Variants in GYPE observed in about 807,000 individuals in gnomAD.
GYPE encodes the protein glycophorin-E.
In GYPE, 8 loss-of-function variants were observed where a neutral mutation model predicts 11.6. The ratio of observed to expected loss-of-function variants is 0.69; its 90% CI spans 0.41 to 1.25. The LOEUF is 1.25. Ranked by LOEUF, GYPE falls within the 50% of genes most tolerant of loss-of-function variation. The probability of loss-of-function intolerance (pLI) is 0.01; values close to 1 mark genes in which losing one functional copy is unlikely to be tolerated. For missense variants in GYPE, 90 were observed against 92.8 expected (o/e 0.97, Z 0.12); for synonymous variants, 28 against 29.6 (o/e 0.94, Z 0.18).
intron 1 of GYPE, among the ~76,000 whole-genome samples, chr4:143,890,875 G>A (rs907494340): frequency 6.6e-6 from 1 of 151,524 alleles, no homozygotes; most frequent in African/African-American, 2.4e-5. Context: ...CACTTTCCAA[G>A]GATAAGCTCA....
At chr4:143,878,343 C>A (rs569242206) in intron 2 of GYPE, among the ~76,000 whole-genome samples, 1 of 152,190 alleles carries the variant, frequency 6.6e-6, no homozygotes, top group East Asian at 1.9e-4. Flanking sequence ...GCCATATTGC[C>A]CAGGCTGTTC....
chr4:143,896,724 A>G (rs1450911056), intron 1 of GYPE, among the ~76,000 whole-genome samples: 1 of 152,202 alleles, frequency 6.6e-6, no homozygotes, highest in Non-Finnish European at 1.5e-5. Context: ...TTATTGCGGC[A>G]CTATTCACAA....
intron 2 of GYPE, among the ~76,000 whole-genome samples, 185 bp from the exon 3 acceptor site, chr4:143,877,040 C>T (rs1263374360): frequency 6.6e-6 from 1 of 152,164 alleles, no homozygotes; most frequent in Non-Finnish European, 1.5e-5. Flanking sequence ...TTGTGGGAAA[C>T]TGGGACTGTG....
chr4:143,894,738 T>C (rs1435426455), intron 1 of GYPE, among the ~76,000 whole-genome samples: 1 of 152,122 alleles, frequency 6.6e-6, no homozygotes, highest in Non-Finnish European at 1.5e-5. Context: ...TGATGAACAT[T>C]GATGCAAAAA....
chr4:143,875,529 G>A, intron 3 of GYPE: 1 of 1,550,900 alleles, frequency 6.4e-7, no homozygotes, highest in South Asian at 1.2e-5. Flanking sequence ...AAAGACAGAA[G>A]TTTCCACTTC....
At chr4:143,872,879 G>A (rs1477790001) in intron 3 of GYPE, among the ~76,000 whole-genome samples, 7 of 61,620 alleles carry the variant, frequency 1.1e-4, no homozygotes, top group African/African-American at 1.7e-4. Flanking sequence ...GAGTGGGAGA[G>A]GGTTGAAGGG....
intron 1 of GYPE, among the ~76,000 whole-genome samples, chr4:143,887,760 T>G (rs2218464): frequency 3.1e-5 from 3 of 97,814 alleles, no homozygotes; most frequent in African/African-American, 1.0e-4. Context: ...AAATAAAATA[T>G]AAAGGTATGT....
At chr4:143,881,922 G>A (rs1022063385) in intron 1 of GYPE, among the ~76,000 whole-genome samples, 13 of 152,162 alleles carry the variant, frequency 8.5e-5, no homozygotes, top group Admixed American at 2.6e-4. Flanking sequence ...TTCCTGGAGA[G>A]CACACAAACA....
intron 1 of GYPE, among the ~76,000 whole-genome samples, chr4:143,903,538 A>G (rs1395648940): frequency 6.7e-5 from 10 of 149,470 alleles, no homozygotes; most frequent in African/African-American, 2.5e-4. Flanking sequence ...AAAAAAAAAA[A>G]AAAAGAAAAA....
intron 1 of GYPE, among the ~76,000 whole-genome samples, chr4:143,897,757 C>A (rs1053817226): frequency 6.6e-6 from 1 of 152,032 alleles, no homozygotes; most frequent in Non-Finnish European, 1.5e-5. Flanking sequence ...GGCTCATGCA[C>A]ACCTTTATCC....
chr4:143,890,630 G>T (rs1744368682), intron 1 of GYPE, among the ~76,000 whole-genome samples: 1 of 152,132 alleles, frequency 6.6e-6, no homozygotes, highest in South Asian at 2.1e-4. Context: ...TGGTAATATA[G>T]ATTAATATAT....
intron 1 of GYPE, among the ~76,000 whole-genome samples, chr4:143,881,177 C>G (rs1001554185): frequency 7.0e-6 from 1 of 143,868 alleles, no homozygotes; most frequent in Admixed American, 7.1e-5. Flanking sequence ...GGTGACAGAA[C>G]GAGACTCCGT....
At chr4:143,896,030 G>A (rs1425247708) in intron 1 of GYPE, among the ~76,000 whole-genome samples, 4 of 152,008 alleles carry the variant, frequency 2.6e-5, no homozygotes, top group East Asian at 3.9e-4. Flanking sequence ...AGACTTAAAC[G>A]TTAGACCTAA....
At chr4:143,891,320 T>C (rs1744393424) in intron 1 of GYPE, among the ~76,000 whole-genome samples, 1 of 14,956 alleles carries the variant, frequency 6.7e-5, no homozygotes. Flanking sequence ...ATTTTGATTT[T>C]TTTTGTTTCT....
intron 1 of GYPE, among the ~76,000 whole-genome samples, chr4:143,903,065 C>G (rs1468534363): frequency 6.6e-6 from 1 of 151,208 alleles, no homozygotes; most frequent in Non-Finnish European, 1.5e-5. Context: ...AGGGTTGGCT[C>G]CATTCTCCTT....
At chr4:143,900,724 C>A (rs532124729) in intron 1 of GYPE, among the ~76,000 whole-genome samples, 3 of 152,160 alleles carry the variant, frequency 2.0e-5, no homozygotes, top group East Asian at 3.9e-4. Context: ...GTGAAAGAAG[C>A]CATACACAAA....
At chr4:143,883,392 T>G (rs1744116284) in intron 1 of GYPE, among the ~76,000 whole-genome samples, 1 of 151,658 alleles carries the variant, frequency 6.6e-6, no homozygotes, top group South Asian at 2.1e-4. Flanking sequence ...CAGTCTCAGT[T>G]ATTTCTATAT....
At position 143,905,480 on chromosome 4, in the gene GYPE, G is replaced by C. The variant is rs773549093; in HGVS notation, c.28C>G (p.Leu10Val). MYGKIIFVL[L>V]LSGIVSISAS... The stretch of plus-strand genomic sequence containing the variant: ...AAATAAAATCACTTACCTGACAATA[G>C]TAATACAAAGATTATTTTTCCATAC... Residue 10 changes from leucine (L) to valine (V), a missense_variant, in exon 1 of 4, where the codon CTA (leucine) becomes GTA (valine). Coordinates refer to ENST00000358615, the MANE Select transcript of GYPE (RefSeq NM_198682.3). The C allele has an allele frequency of 2.5e-6, 4 of 1,612,976 alleles. No homozygotes were observed. The African/African-American group carries it at 5.3e-5, about 22-fold the overall frequency.
chr4:143,884,992 G>A (rs1225977995), intron 1 of GYPE, among the ~76,000 whole-genome samples: 1 of 146,878 alleles, frequency 6.8e-6, no homozygotes, highest in Non-Finnish European at 1.5e-5. Flanking sequence ...TAACTTAGGG[G>A]AAAAAAAAAC....
Sources: allele counts gnomAD v4.1 joint callset (sites outside exome capture counted in the v4.1 genomes callset), GRCh38; gene constraint gnomAD v4.1.1; transcripts MANE v1.5; gene names NCBI Gene and HGNC (gene_info 2026-07-23, HGNC 2026-07-21).